SPG21: variants seen among roughly 807,000 people sequenced by gnomAD.
SPG21 encodes maspardin.
Under a neutral mutation model 38.9 loss-of-function variants are expected in SPG21, and 26 were observed. That is an observed-to-expected ratio of 0.67 (90% CI 0.49 to 0.93). The LOEUF (loss-of-function observed/expected upper bound fraction) is 0.93, where lower values mean the gene tolerates loss of function less well. Ranked by LOEUF, SPG21 falls within the 40% of genes least tolerant of loss-of-function variation. The pLI, the probability that SPG21 is intolerant of heterozygous loss-of-function variation, is 0.00. For missense variants in SPG21, 333 were observed against 376.5 expected, an observed-to-expected ratio of 0.88 and a Z score of 0.96; for synonymous variants, 136 against 128.9, an observed-to-expected ratio of 1.05 and a Z score of -0.37.
intron 3 of SPG21, 98 bp from the exon 4 acceptor site, chr15:64,976,653 G>A (rs921936346): frequency 9.7e-5 from 84 of 861,556 alleles, no homozygotes; most frequent in South Asian, 5.0e-4. Flanking sequence ...GACATTTCTC[G>A]TTTGCTCAAG....
At chr15:64,973,107 G>A (rs1217362689) in intron 5 of SPG21, among the ~76,000 whole-genome samples, 3 of 152,076 alleles carry the variant, frequency 2.0e-5, no homozygotes, top group African/African-American at 4.8e-5. Flanking sequence ...AGGACTGCAG[G>A]TGCATACCAT....
chr15:64,972,331 G>C (rs998120666), intron 5 of SPG21, among the ~76,000 whole-genome samples: 1 of 152,220 alleles, frequency 6.6e-6, no homozygotes, highest in Non-Finnish European at 1.5e-5. Flanking sequence ...TAAGCACTCA[G>C]ATATTTGACA....
intron 5 of SPG21, among the ~76,000 whole-genome samples, chr15:64,972,394 C>G (rs973376667): frequency 6.6e-6 from 1 of 152,182 alleles, no homozygotes; most frequent in African/African-American, 2.4e-5. Context: ...TCTTGGCATT[C>G]TAACAATTAG....
chr15:64,967,308 C>A lies in SPG21; in HGVS notation c.670-1848G>T, dbSNP rs183206178. On this transcript the variant is annotated intron_variant, in intron 7 of 8. Coordinates refer to ENST00000204566, the MANE Select transcript of SPG21 (RefSeq NM_016630.7). ...TAAAAAAAAATTAAAAGCAGGAACT[C>A]AAACAAATATACATATATTTTTTGA... is the stretch of plus-strand genomic sequence containing the variant. Among the ~76,000 whole-genome samples the A allele has an allele frequency of 4.5e-3, 684 of 151,788 alleles. 3 individuals are homozygous for A. The highest frequency in any genetic ancestry group is 7.2e-3 in the Non-Finnish European group (492 of 67,866).
chr15:64,977,015 T>C (rs1297094595), intron 3 of SPG21, among the ~76,000 whole-genome samples: 2 of 152,240 alleles, frequency 1.3e-5, no homozygotes, highest in African/African-American at 4.8e-5. Flanking sequence ...AGTAAAATTG[T>C]TCCTCTTCTT....
intron 1 of SPG21, among the ~76,000 whole-genome samples, chr15:64,986,203 T>C (rs139441817): frequency 0.022 from 3,242 of 150,356 alleles, 80 homozygotes; most frequent in Non-Finnish European, 0.028. Flanking sequence ...CTGTCTCTAC[T>C]AAAAATACAA....
intron 5 of SPG21, among the ~76,000 whole-genome samples, chr15:64,971,339 A>G (rs2140419946): frequency 6.6e-6 from 1 of 151,910 alleles, no homozygotes; most frequent in South Asian, 2.1e-4. Context: ...GGAGATTGAG[A>G]CCATCCTGGC....
At chr15:64,983,182 TG>T in intron 2 of SPG21, 1 of 259,280 alleles carries the variant, frequency 3.9e-6, no homozygotes, top group South Asian at 3.4e-5. Context: ...CTCTTGAACC[TG>T]GGAAGCAGAG....
intron 1 of SPG21, among the ~76,000 whole-genome samples, chr15:64,984,565 C>G (rs1006514200): frequency 6.6e-6 from 1 of 152,044 alleles, no homozygotes; most frequent in African/African-American, 2.4e-5. Context: ...GTTGCCTGCA[C>G]TGGTCTCGAA....
At chr15:64,978,113 G>A (rs866381802) in intron 3 of SPG21, among the ~76,000 whole-genome samples, 2 of 151,580 alleles carry the variant, frequency 1.3e-5, no homozygotes, top group African/African-American at 2.4e-5. Flanking sequence ...TTACAGGCGT[G>A]AGCCACCGCG....
At chr15:64,965,545 A>G (rs922608355) in intron 7 of SPG21, 85 bp from the exon 8 acceptor site, 2 of 1,577,858 alleles carry the variant, frequency 1.3e-6, no homozygotes, top group Non-Finnish European at 1.7e-6. Flanking sequence ...TAGTGTTTTA[A>G]TATGTTCTTT....
At chr15:64,971,342 A>T (rs1279437064) in intron 5 of SPG21, among the ~76,000 whole-genome samples, 1 of 151,826 alleles carries the variant, frequency 6.6e-6, no homozygotes, top group Admixed American at 6.6e-5. Context: ...GATTGAGACC[A>T]TCCTGGCTAA....
chr15:64,967,990 G>A (rs2085577115), intron 7 of SPG21, among the ~76,000 whole-genome samples: 1 of 152,134 alleles, frequency 6.6e-6, no homozygotes, highest in Non-Finnish European at 1.5e-5. Context: ...GACCACTGAC[G>A]GATGAATGGA....
At position 64,974,320 on chromosome 15, in the gene SPG21, T is replaced by C. The variant is rs1291994147; in HGVS notation, c.452+282A>G. On this transcript the variant is annotated intron_variant, in intron 5 of 8. Coordinates refer to ENST00000204566, the MANE Select transcript of SPG21 (RefSeq NM_016630.7). ...TCATCTGTACAAAAATATACAGAAA[T>C]TAACCAGGTGTGGTGCCATGCATGC... 6.6e-6 allele frequency among the ~76,000 whole-genome samples: 1 copy of C among 152,022 alleles called. No homozygotes were observed. The highest frequency in any genetic ancestry group is 1.5e-5 in the Non-Finnish European group (1 of 68,000).
At chr15:64,974,105 T>C (rs1021576847) in intron 5 of SPG21, among the ~76,000 whole-genome samples, 1 of 152,096 alleles carries the variant, frequency 6.6e-6, no homozygotes, top group Non-Finnish European at 1.5e-5. Flanking sequence ...TTTAAGGTAA[T>C]AAAAAAAGCT....
chr15:64,981,172 G>T, intron 2 of SPG21, 147 bp from the exon 3 acceptor site: 1 of 846,508 alleles, frequency 1.2e-6, no homozygotes. Flanking sequence ...TAGCATGCAT[G>T]ACAAACTCCT....
chr15:64,965,106 G>C (rs1042995742), intron 8 of SPG21, among the ~76,000 whole-genome samples: 3 of 152,132 alleles, frequency 2.0e-5, no homozygotes, highest in African/African-American at 7.2e-5. Context: ...CTTAGAAAAG[G>C]GATGGTGGCC....
chr15:64,970,744 G>A (rs1730020689), intron 5 of SPG21, among the ~76,000 whole-genome samples: 1 of 152,022 alleles, frequency 6.6e-6, no homozygotes, highest in African/African-American at 2.4e-5. Flanking sequence ...ATTTATTATT[G>A]TTATTATTTT....
At chr15:64,966,669 G>C (rs1291582592) in intron 7 of SPG21, among the ~76,000 whole-genome samples, 1 of 152,200 alleles carries the variant, frequency 6.6e-6, no homozygotes, top group Non-Finnish European at 1.5e-5. Flanking sequence ...GGAGGCTGAG[G>C]CGGGCAGATC....
Sources: allele counts gnomAD v4.1 joint callset (sites outside exome capture counted in the v4.1 genomes callset), GRCh38; gene constraint gnomAD v4.1.1; transcripts MANE v1.5; gene names NCBI Gene and HGNC (gene_info 2026-07-23, HGNC 2026-07-21).